The following NTRK2 variants were observed in gnomAD, a reference collection of about 807,000 sequenced individuals.
The protein encoded by NTRK2 is neurotrophic receptor tyrosine kinase 2.
In NTRK2, 13 loss-of-function variants were observed where a neutral mutation model predicts 94.5. That is an observed-to-expected ratio of 0.14 (90% CI 0.09 to 0.22). NTRK2 has a LOEUF of 0.22. Ranked by LOEUF, NTRK2 falls within the 10% of genes least tolerant of loss-of-function variation. NTRK2 has a pLI of 1.00. For missense variants in NTRK2, 639 were observed against 1,071.2 expected (o/e 0.60, Z 5.63); for synonymous variants, 372 against 407.4 (o/e 0.91, Z 1.05).
intron 12 of NTRK2, among the ~76,000 whole-genome samples, chr9:84,806,610 G>A (rs2071145773): frequency 6.6e-6 from 1 of 152,084 alleles, no homozygotes; most frequent in African/African-American, 2.4e-5. Flanking sequence ...TTCATTCTTG[G>A]GTGACCTTGG....
intron 14 of NTRK2, among the ~76,000 whole-genome samples, chr9:84,901,448 G>A (rs558719837): frequency 1.0e-3 from 156 of 152,000 alleles, no homozygotes; most frequent in Non-Finnish European, 1.9e-3. Context: ...TAGCCAGGAT[G>A]GTCTTGATCT....
chr9:84,781,351 ATGTT>A (rs1300673279), intron 12 of NTRK2, among the ~76,000 whole-genome samples: 1 of 152,118 alleles, frequency 6.6e-6, no homozygotes. Flanking sequence ...TTTTATGTAT[ATGTT>A]TTGTTGACGC....
chr9:84,939,414 G>A (rs1444933032), intron 15 of NTRK2, among the ~76,000 whole-genome samples: 1 of 152,134 alleles, frequency 6.6e-6, no homozygotes, highest in East Asian at 1.9e-4. Context: ...AGTGCTCATT[G>A]GGTACCATAT....
intron 10 of NTRK2, among the ~76,000 whole-genome samples, chr9:84,744,219 A>G (rs941288567): frequency 2.6e-5 from 4 of 152,234 alleles, no homozygotes; most frequent in African/African-American, 9.6e-5. Flanking sequence ...CATTATTTCT[A>G]TCCTGACCCA....
rs999239057 is a variant in NTRK2 at position 84,745,852 on chromosome 9, C to T, written c.1296+779C>T. Among the ~76,000 whole-genome samples the T allele has an allele frequency of 5.3e-5, 8 of 152,086 alleles. No homozygotes were observed. In the East Asian group the frequency reaches 1.5e-3, roughly 29 times the overall value. On this transcript the variant is annotated intron_variant, in intron 11 of 18. Coordinates refer to ENST00000277120, the MANE Select transcript of NTRK2 (RefSeq NM_006180.6). ...CAGGTTGTAGGTCTTGACACAGAGT[C>T]TCAGGTGTGTAGATTTATGGCACAG...
intron 13 of NTRK2, among the ~76,000 whole-genome samples, chr9:84,861,823 A>T (rs144903762): frequency 6.6e-6 from 1 of 152,270 alleles, no homozygotes; most frequent in Non-Finnish European, 1.5e-5. Flanking sequence ...CATCTTGGGC[A>T]TCTGTTGGTT....
intron 14 of NTRK2, among the ~76,000 whole-genome samples, chr9:84,926,181 T>G (rs372703920): frequency 9.2e-4 from 77 of 83,606 alleles, no homozygotes; most frequent in African/African-American, 3.1e-3. Flanking sequence ...TTTCTTTCTT[T>G]CTTTCTTTCT....
In NTRK2 at chr9:84,881,298, G is replaced by A. The variant is rs1053882495; in HGVS notation, c.1633+13867G>A. Among the ~76,000 whole-genome samples the A allele has an allele frequency of 2.0e-5, 3 of 152,194 alleles. No individual in the cohort carries two copies. In the East Asian group the frequency reaches 5.8e-4, roughly 29 times the overall value. On this transcript the variant is annotated intron_variant, in intron 14 of 18. Transcript: ENST00000277120. ...CTCCAGGATGGGGAGGGGACAACAA[G>A]GGTAGGAATGAAAGTTCAGATTAGG...
intron 15 of NTRK2, among the ~76,000 whole-genome samples, chr9:84,941,589 A>G (rs2078411057): frequency 6.6e-6 from 1 of 152,200 alleles, no homozygotes; most frequent in Admixed American, 6.5e-5. Context: ...TTACTTTAAC[A>G]TGATGAACGA....
At chr9:84,946,074 C>G (rs1044372309) in intron 15 of NTRK2, among the ~76,000 whole-genome samples, 2 of 152,140 alleles carry the variant, frequency 1.3e-5, no homozygotes, top group African/African-American at 4.8e-5. Flanking sequence ...GGGACCTGGC[C>G]GTGTTCTGGA....
At chr9:84,708,779 C>T (rs1192549695) in intron 5 of NTRK2, among the ~76,000 whole-genome samples, 1 of 152,178 alleles carries the variant, frequency 6.6e-6, no homozygotes, top group Non-Finnish European at 1.5e-5. Context: ...GCTGGAGAGA[C>T]AACAAGTTAA....
Position 84,905,827 on chromosome 9 carries a change from A to T in NTRK2, c.1634-28335A>T, listed in dbSNP as rs545831098. On this transcript the variant is annotated intron_variant, in intron 14 of 18. Transcript: ENST00000277120. The stretch of plus-strand genomic sequence containing the variant: ...CAGTGATTGGAATGAATGAAGATAG[A>T]CATGGGGAAACGATAAATGTGAAAC... Among the ~76,000 whole-genome samples the T allele has an allele frequency of 4.6e-5, 7 of 152,298 alleles. No individual in the cohort carries two copies. In the South Asian group the frequency reaches 1.5e-3, roughly 32 times the overall value.
At chr9:84,749,253 A>T (rs1238786472) in intron 11 of NTRK2, among the ~76,000 whole-genome samples, 1 of 152,160 alleles carries the variant, frequency 6.6e-6, no homozygotes, top group East Asian at 1.9e-4. Flanking sequence ...CTATACTCAA[A>T]CATTTGCAGA....
At chr9:84,997,758 T>C (rs1397689395) in intron 17 of NTRK2, among the ~76,000 whole-genome samples, 2 of 152,164 alleles carry the variant, frequency 1.3e-5, no homozygotes, top group Non-Finnish European at 2.9e-5. Context: ...TAAGTAATGC[T>C]GGGTCTGGGA....
chr9:84,773,166 C>A (rs997799397), intron 12 of NTRK2, among the ~76,000 whole-genome samples: 2 of 152,158 alleles, frequency 1.3e-5, no homozygotes, highest in Admixed American at 6.5e-5. Flanking sequence ...GGTCTCCTGG[C>A]CTTCACATTG....
chr9:84,711,133 C>T (rs778484750), intron 6 of NTRK2, among the ~76,000 whole-genome samples: 1 of 152,202 alleles, frequency 6.6e-6, no homozygotes, highest in Non-Finnish European at 1.5e-5. Context: ...AAGTGTGGCA[C>T]TTCTCTGGCC....
chr9:84,962,732 T>C (rs1203345439), intron 17 of NTRK2, among the ~76,000 whole-genome samples: 1 of 152,164 alleles, frequency 6.6e-6, no homozygotes, highest in Non-Finnish European at 1.5e-5. Flanking sequence ...GCCTGTGATA[T>C]TCTATGCTTT....
intron 5 of NTRK2, 23 bp downstream of exon 5, chr9:84,707,935 A>G (rs775750427): frequency 1.3e-6 from 2 of 1,595,390 alleles, no homozygotes; most frequent in Admixed American, 1.7e-5. Flanking sequence ...TTTGTGTGGC[A>G]TTTGGGGAAA....
intron 14 of NTRK2, among the ~76,000 whole-genome samples, chr9:84,900,971 C>T (rs1372161952): frequency 3.3e-5 from 5 of 152,176 alleles, no homozygotes; most frequent in Non-Finnish European, 4.4e-5. Context: ...TGCTAATAAA[C>T]GGCATACAGT....
Sources: gnomAD v4.1 joint callset for allele counts (sites outside exome capture counted in the v4.1 genomes callset) on GRCh38, gnomAD v4.1.1 for gene constraint, MANE v1.5 for transcripts, NCBI Gene and HGNC (gene_info 2026-07-23, HGNC 2026-07-21) for gene names.